The following DNAJC10 variants were observed in gnomAD, a reference collection of about 807,000 sequenced individuals.
DNAJC10 encodes DnaJ heat shock protein family (Hsp40) member C10.
Under a neutral mutation model 115.0 loss-of-function variants are expected in DNAJC10, and 101 were observed. The observed-to-expected ratio is 0.88, with a 90% CI of 0.75 to 1.04. The LOEUF (loss-of-function observed/expected upper bound fraction) is 1.04, where lower values mean the gene tolerates loss of function less well. Among genes scored for constraint, DNAJC10 ranks in the 50% least tolerant of loss-of-function variants. DNAJC10 has a pLI of 0.00. For synonymous variants in DNAJC10, 307 were observed against 301.5 expected (o/e 1.02, Z -0.19); for missense variants, 981 against 928.8 (o/e 1.06, Z -0.73).
rs1033526085 is a variant in DNAJC10, at chr2:182,790,295, A to C, written c.*13163A>C. 3 of 152,190 alleles carry C rather than the reference A, an allele frequency of 2.0e-5. No homozygotes were observed. Among genetic ancestry groups the C allele is most frequent in the African/African-American group, 7.2e-5 (3 of 41,456 alleles). The allele number at this position is 152,190 out of a possible 1,614,324, so 9.4% of individuals were successfully genotyped here. ...ACTTATAAACTTCAAGATTTGCTGA[A>C]GTACTTTGGGTGCTAAATGCTTCTA... On this transcript the variant is annotated 3_prime_UTR_variant, in exon 24 of 24. Transcript: ENST00000264065.
chr2:182,728,334 T>A (rs1490372220), intron 5 of DNAJC10, among the ~76,000 whole-genome samples: 3 of 152,154 alleles, frequency 2.0e-5, no homozygotes, highest in Non-Finnish European at 4.4e-5. Flanking sequence ...GTAGGAGAGT[T>A]TTTTTAAAAA....
At chr2:182,728,440 A>C in intron 5 of DNAJC10, 136 bp from the exon 6 acceptor site, 1 of 563,604 alleles carries the variant, frequency 1.8e-6, no homozygotes, top group Non-Finnish European at 3.0e-6. Context: ...GAAAAACATC[A>C]CACAGAAAAT....
intron 11 of DNAJC10, among the ~76,000 whole-genome samples, chr2:182,736,674 A>T (rs1431571249): frequency 6.6e-6 from 1 of 152,204 alleles, no homozygotes; most frequent in African/African-American, 2.4e-5. Flanking sequence ...TTTAAACCCC[A>T]AAAGTATGGA....
At position 182,732,558 on chromosome 2, in the gene DNAJC10, T is replaced by C. The variant is rs745840326; in HGVS notation, c.849+16T>C. ...TGGCATGTTGGTAAGCATCAATCAT[T>C]TTGTAAAACTATATCACCATGTAAA... is the stretch of plus-strand genomic sequence containing the variant. On this transcript the variant is annotated intron_variant, in intron 10 of 23. Transcript: ENST00000264065. 1 of 1,611,388 alleles carries C rather than the reference T, an allele frequency of 6.2e-7. No individual in the cohort carries two copies. Among genetic ancestry groups the C allele is most frequent in the South Asian group, 1.1e-5 (1 of 90,858 alleles).
chr2:182,765,865 A>G (rs1037404), intron 22 of DNAJC10, among the ~76,000 whole-genome samples: 70,881 of 152,196 alleles, frequency 0.47, 18,987 homozygotes, highest in Middle Eastern at 0.65. Context: ...AGCAAGGTCT[A>G]TTATCAGGTT....
chr2:182,739,981 T>C (rs957992816), intron 11 of DNAJC10: 5 of 1,001,418 alleles, frequency 5.0e-6, no homozygotes, highest in Non-Finnish European at 4.8e-6. Flanking sequence ...TTCTTGATGA[T>C]TGGGAGGTCA....
At chr2:182,731,527 T>A (rs56033084) in intron 9 of DNAJC10, among the ~76,000 whole-genome samples, 5,442 of 152,234 alleles carry the variant, frequency 0.036, 145 homozygotes, top group Admixed American at 0.07. Context: ...AATTATATAC[T>A]TGAAGATGAC....
At chr2:182,728,743 G>T in intron 6 of DNAJC10, 85 bp downstream of exon 6, 2 of 1,487,928 alleles carry the variant, frequency 1.3e-6, no homozygotes, top group Admixed American at 1.9e-5. Context: ...TCTATGAATA[G>T]TAATCAAAAA....
chr2:182,787,463 A>G lies in DNAJC10; in HGVS notation c.*10331A>G, dbSNP rs1351645116. The stretch of plus-strand genomic sequence containing the variant: ...TAATGTACTACCAAACCGTTCATTC[A>G]TTATGACAAAACTGCCTACCAAAGC... On this transcript the variant is annotated 3_prime_UTR_variant, in exon 24 of 24. Coordinates refer to ENST00000264065, the MANE Select transcript of DNAJC10 (RefSeq NM_018981.4). 6.6e-6 allele frequency: 1 copy of G among 152,248 alleles called. No homozygotes were observed. Among genetic ancestry groups the G allele is most frequent in the Non-Finnish European group, 1.5e-5 (1 of 68,050 alleles). 9.4% of individuals were successfully genotyped at this position (152,248 alleles called of 1,614,324 possible).
At chr2:182,726,416 T>C (rs538170733) in intron 5 of DNAJC10, among the ~76,000 whole-genome samples, 18 of 152,268 alleles carry the variant, frequency 1.2e-4, no homozygotes, top group Admixed American at 9.2e-4. Context: ...AATGTTGATA[T>C]GACAACAAAG....
chr2:182,733,625 G>A (rs1220024738), intron 10 of DNAJC10, among the ~76,000 whole-genome samples: 1 of 149,964 alleles, frequency 6.7e-6, no homozygotes, highest in Non-Finnish European at 1.5e-5. Flanking sequence ...GTGTTGGAAA[G>A]TATTATCTCT....
At chr2:182,746,392 C>A (rs1171696590) in intron 14 of DNAJC10, among the ~76,000 whole-genome samples, 1 of 152,100 alleles carries the variant, frequency 6.6e-6, no homozygotes, top group Non-Finnish European at 1.5e-5. Flanking sequence ...CTCTCCAGCA[C>A]CTGTTGTTTT....
chr2:182,720,512 C>T (rs978459822), intron 4 of DNAJC10, among the ~76,000 whole-genome samples: 2 of 152,198 alleles, frequency 1.3e-5, no homozygotes, highest in African/African-American at 4.8e-5. Context: ...TTTTACTGTA[C>T]CTTTTCTATA....
Position 182,777,176 on chromosome 2 carries a change from A to C in DNAJC10, c.*44A>C. ...AAAAGTTTAAAAGAAATTCTGACAGATGACATCAGAAGACACCTATTTAGA... is the reference window on the plus strand; with the variant it reads ...AAAAGTTTAAAAGAAATTCTGACAGCTGACATCAGAAGACACCTATTTAGA... On this transcript the variant is annotated 3_prime_UTR_variant, in exon 24 of 24. Coordinates refer to ENST00000264065, the MANE Select transcript of DNAJC10 (RefSeq NM_018981.4). 7.9e-7 allele frequency: 1 copy of C among 1,258,220 alleles called. No individual in the cohort carries two copies. Among genetic ancestry groups the C allele is most frequent in the Admixed American group, 2.4e-5 (1 of 41,324 alleles). 77.9% of individuals were successfully genotyped at this position (1,258,220 alleles called of 1,614,324 possible).
intron 22 of DNAJC10, among the ~76,000 whole-genome samples, chr2:182,772,528 G>A (rs1045457380): frequency 3.3e-5 from 5 of 152,170 alleles, no homozygotes; most frequent in African/African-American, 9.7e-5. Context: ...ATTTAGGATC[G>A]TTAGCTCTTC....
In DNAJC10 at chr2:182,784,015, A is replaced by G. The variant is rs1694902486; in HGVS notation, c.*6883A>G. ...AAAAAGAAAACCTATTTCACTACCG[A>G]AATTAAATAAACTTTAAAATTCATT... On this transcript the variant is annotated 3_prime_UTR_variant, in exon 24 of 24. Coordinates refer to ENST00000264065, the MANE Select transcript of DNAJC10 (RefSeq NM_018981.4). 1 of 152,174 alleles carries G rather than the reference A, an allele frequency of 6.6e-6. No homozygotes were observed. The highest frequency in any genetic ancestry group is 1.5e-5 in the Non-Finnish European group (1 of 68,036). 9.4% of individuals were successfully genotyped at this position (152,174 alleles called of 1,614,324 possible).
At chr2:182,723,637 T>C (rs536561287) in intron 5 of DNAJC10, among the ~76,000 whole-genome samples, 2 of 152,318 alleles carry the variant, frequency 1.3e-5, no homozygotes, top group African/African-American at 4.8e-5. Context: ...TCTCCTAATA[T>C]ATCAGTAAGT....
chr2:182,726,154 A>G (rs1341041383), intron 5 of DNAJC10, among the ~76,000 whole-genome samples: 1 of 152,180 alleles, frequency 6.6e-6, no homozygotes, highest in Non-Finnish European at 1.5e-5. Context: ...TTCATGGATG[A>G]CTTTGAGGTG....
In DNAJC10 at chr2:182,775,401, A is replaced by T; in HGVS notation, c.2351A>T (p.Asn784Ile). 1 of 1,612,650 alleles carries T rather than the reference A, an allele frequency of 6.2e-7. No individual in the cohort carries two copies. The highest frequency in any genetic ancestry group is 8.5e-7 in the Non-Finnish European group (1 of 1,179,032). ...AGTGAAAAATTGGAAACTCTCCGAA[A>T]TCAAGGCAAGAGGAATAAGGTATGG... is the stretch of plus-strand genomic sequence containing the variant. ...LISEKLETLR[N>I]QGKRNKDEL The change falls in exon 23 of 24, where the codon AAT (asparagine) becomes ATT (isoleucine). Residue 784 changes from asparagine (N) to isoleucine (I), a missense_variant. Coordinates refer to ENST00000264065, the MANE Select transcript of DNAJC10 (RefSeq NM_018981.4).
Sources: allele counts gnomAD v4.1 joint callset (sites outside exome capture counted in the v4.1 genomes callset), GRCh38; gene constraint gnomAD v4.1.1; transcripts MANE v1.5; gene names NCBI Gene and HGNC (gene_info 2026-07-23, HGNC 2026-07-21).